The following DOCK3 variants were observed in gnomAD, a reference collection of about 807,000 sequenced individuals.
DOCK3 encodes dedicator of cytokinesis 3.
A neutral mutation model predicts 265.6 loss-of-function variants in DOCK3; 60 were observed. The ratio of observed to expected loss-of-function variants is 0.23; its 90% confidence interval spans 0.18 to 0.28. The LOEUF is 0.28. Ranked by LOEUF, DOCK3 falls within the 10% of genes least tolerant of loss-of-function variation. DOCK3 has a pLI of 1.00. For synonymous variants in DOCK3, 881 were observed against 938.0 expected (o/e 0.94, Z 1.11); for missense variants, 1,981 against 2,594.3 (o/e 0.76, Z 5.14).
intron 5 of DOCK3, among the ~76,000 whole-genome samples, chr3:51,063,166 T>A (rs1474486144): frequency 1.3e-5 from 2 of 151,964 alleles, no homozygotes; most frequent in Non-Finnish European, 2.9e-5. Flanking sequence ...GAGGATTACT[T>A]GGACCTGAGA....
intron 49 of DOCK3, among the ~76,000 whole-genome samples, chr3:51,371,452 A>G (rs1031929468): frequency 1.3e-5 from 2 of 152,232 alleles, no homozygotes; most frequent in African/African-American, 4.8e-5. Context: ...CAGGTCCTAC[A>G]TCTATCAAGC....
chr3:50,900,778 C>T, intron 4 of DOCK3: 1 of 434,254 alleles, frequency 2.3e-6, no homozygotes, highest in Non-Finnish European at 4.6e-6. Flanking sequence ...CCACTTCAGA[C>T]CCTGCCCCTG....
At chr3:51,124,527 A>G (rs2084175685) in intron 9 of DOCK3, among the ~76,000 whole-genome samples, 1 of 152,192 alleles carries the variant, frequency 6.6e-6, no homozygotes, top group Admixed American at 6.5e-5. Flanking sequence ...CATGGCAGAA[A>G]GGATAGACTG....
intron 2 of DOCK3, among the ~76,000 whole-genome samples, chr3:50,798,558 G>A (rs1039351344): frequency 6.6e-6 from 1 of 152,016 alleles, no homozygotes; most frequent in African/African-American, 2.4e-5. Context: ...GAGCTCATTT[G>A]CCCATTTTGT....
intron 4 of DOCK3, among the ~76,000 whole-genome samples, chr3:50,905,588 C>T (rs922394462): frequency 2.0e-5 from 3 of 152,010 alleles, no homozygotes; most frequent in Non-Finnish European, 4.4e-5. Flanking sequence ...TAGAGGAATG[C>T]TTGTGATTTT....
chr3:51,056,250 T>C (rs2081197379), intron 5 of DOCK3, among the ~76,000 whole-genome samples: 1 of 152,146 alleles, frequency 6.6e-6, no homozygotes, highest in Non-Finnish European at 1.5e-5. Flanking sequence ...TTATTATTTT[T>C]ATTTTATTTA....
At chr3:51,078,838 T>C (rs1171787923) in intron 7 of DOCK3, among the ~76,000 whole-genome samples, 2 of 152,272 alleles carry the variant, frequency 1.3e-5, no homozygotes, top group East Asian at 3.9e-4. Context: ...AATCAAAAGG[T>C]CTACTGTGTG....
intron 7 of DOCK3, among the ~76,000 whole-genome samples, chr3:51,087,803 G>A (rs2082484439): frequency 6.6e-6 from 1 of 152,080 alleles, no homozygotes; most frequent in African/African-American, 2.4e-5. Flanking sequence ...CTGTTGGTGG[G>A]AATGTAAATT....
At chr3:51,002,589 AT>A (rs1038544312) in intron 5 of DOCK3, among the ~76,000 whole-genome samples, 1 of 152,178 alleles carries the variant, frequency 6.6e-6, no homozygotes, top group African/African-American at 2.4e-5. Context: ...GTTTAAGTTA[AT>A]TTTTATGTAA....
At chr3:50,883,590 T>C (rs1352078611) in intron 3 of DOCK3, among the ~76,000 whole-genome samples, 1 of 152,194 alleles carries the variant, frequency 6.6e-6, no homozygotes, top group Non-Finnish European at 1.5e-5. Context: ...TGTCTTCCAT[T>C]CCTGAAATGT....
At chr3:51,271,073 T>C in intron 24 of DOCK3, 66 bp downstream of exon 24, 3 of 1,491,206 alleles carry the variant, frequency 2.0e-6, no homozygotes, top group South Asian at 2.6e-5. Context: ...CCAGGGGTGA[T>C]AGCAAAGTGA....
At chr3:51,334,666 G>A (rs2084748543) in intron 35 of DOCK3, among the ~76,000 whole-genome samples, 1 of 152,196 alleles carries the variant, frequency 6.6e-6, no homozygotes, top group Non-Finnish European at 1.5e-5. Flanking sequence ...GTTCACACCA[G>A]GTCCGTAGCT....
chr3:51,381,927 C>T lies in DOCK3; in HGVS notation c.*368C>T, dbSNP rs149040101. 1.2e-4 allele frequency: 22 copies of T among 190,620 alleles called. No homozygotes were observed. The East Asian group carries it at 3.0e-3, about 26-fold the overall frequency. The allele number at this position is 190,620 out of a possible 1,614,324, so 11.8% of individuals were successfully genotyped here. On this transcript the variant is annotated 3_prime_UTR_variant, in exon 53 of 53. Transcript: ENST00000266037. The surrounding 1 kb of genome is among the most constrained non-coding windows in gnomAD (Gnocchi z 5.6). ...ACTGCAGGGCCCAGGAGTGGGAGCC[C>T]AGGCCCTCCCTCCAGGGTAGAGATG...
intron 4 of DOCK3, among the ~76,000 whole-genome samples, chr3:50,928,387 T>C (rs1295641098): frequency 6.6e-6 from 1 of 152,128 alleles, no homozygotes; most frequent in Non-Finnish European, 1.5e-5. Context: ...CTAATATAAA[T>C]GGAATAATGA....
intron 3 of DOCK3, among the ~76,000 whole-genome samples, chr3:50,847,295 T>C (rs930684611): frequency 5.9e-5 from 9 of 152,230 alleles, no homozygotes; most frequent in Non-Finnish European, 1.3e-4. Context: ...GCAATCTTCT[T>C]GGTATTCATT....
At chr3:50,805,519 G>A (rs1470168360) in intron 2 of DOCK3, among the ~76,000 whole-genome samples, 3 of 152,172 alleles carry the variant, frequency 2.0e-5, no homozygotes, top group South Asian at 4.1e-4. Flanking sequence ...CTGTTTCTTA[G>A]GCCCAGGATG....
intron 1 of DOCK3, among the ~76,000 whole-genome samples, chr3:50,710,881 A>T (rs1412283633): frequency 2.0e-5 from 3 of 152,236 alleles, no homozygotes; most frequent in East Asian, 3.8e-4. Context: ...GGAGACTATT[A>T]TTCTAAGTGA....
At chr3:50,698,523 T>TTTTTTTTTTTTTTTTTTG (rs2035813996) in intron 1 of DOCK3, among the ~76,000 whole-genome samples, 1 of 95,894 alleles carries the variant, frequency 1.0e-5, no homozygotes, top group Non-Finnish European at 2.0e-5. Flanking sequence ...TTTGGTTTTT[T>TTTTTTTTTTTTTTTTTTG]TTTTTTTTTT....
intron 12 of DOCK3, among the ~76,000 whole-genome samples, chr3:51,183,609 T>C (rs367603823): frequency 1.2e-4 from 19 of 152,328 alleles, no homozygotes; most frequent in South Asian, 6.2e-4. Flanking sequence ...AAGGAGTTAA[T>C]GGTCTGATTG....
Sources: allele counts gnomAD v4.1 joint callset (sites outside exome capture counted in the v4.1 genomes callset), GRCh38; gene constraint gnomAD v4.1.1; non-coding constraint Gnocchi (gnomAD v3.1); transcripts MANE v1.5; gene names NCBI Gene and HGNC (gene_info 2026-07-23, HGNC 2026-07-21).